Variants in COL6A5 observed in about 807,000 individuals in gnomAD.
COL6A5 encodes collagen alpha-5(VI) chain.
A neutral mutation model predicts 65.6 loss-of-function variants in COL6A5; 48 were observed. The observed-to-expected ratio is 0.73, with a 90% confidence interval of 0.58 to 0.93. The LOEUF is 0.93. Ranked by LOEUF, COL6A5 falls within the 40% of genes least tolerant of loss-of-function variation. COL6A5 has a pLI of 0.00. For missense variants in COL6A5, 914 were observed against 928.3 expected, an observed-to-expected ratio of 0.98 and a Z score of 0.20; for synonymous variants, 291 against 322.8, an observed-to-expected ratio of 0.90 and a Z score of 1.05.
chr3:130,394,048 A>G (rs1484134204), intron 7 of COL6A5, among the ~76,000 whole-genome samples: 1 of 152,156 alleles, frequency 6.6e-6, no homozygotes, highest in Non-Finnish European at 1.5e-5. Flanking sequence ...TGTCTCAATT[A>G]CCTTTAGTAA....
intron 1 of COL6A5, among the ~76,000 whole-genome samples, chr3:130,373,038 AT>A (rs1265942177): frequency 6.6e-6 from 1 of 152,216 alleles, no homozygotes; most frequent in Non-Finnish European, 1.5e-5. Flanking sequence ...AGTTTGTGAA[AT>A]TGAGCATAAC....
At chr3:130,474,421 A>G (rs1317584350) in intron 7 of COL6A5, among the ~76,000 whole-genome samples, 2 of 152,120 alleles carry the variant, frequency 1.3e-5, no homozygotes, top group Admixed American at 6.6e-5. Context: ...ATTATGGAAC[A>G]TACAGAGAAC....
chr3:130,437,746 C>G (rs528638379), intron 1 of COL6A5, among the ~76,000 whole-genome samples: 3 of 152,220 alleles, frequency 2.0e-5, no homozygotes, highest in African/African-American at 7.2e-5. Context: ...GAGCTTTCAC[C>G]TGGCTATTTC....
chr3:130,467,485 A>T (rs1709844903), intron 5 of COL6A5, among the ~76,000 whole-genome samples: 1 of 151,468 alleles, frequency 6.6e-6, no homozygotes, highest in Admixed American at 6.6e-5. Context: ...AGACGAAGAC[A>T]TTACATGAAA....
intron 1 of COL6A5, among the ~76,000 whole-genome samples, chr3:130,364,679 A>G (rs1935266781): frequency 6.6e-6 from 1 of 152,198 alleles, no homozygotes; most frequent in African/African-American, 2.4e-5. Flanking sequence ...GCAGAGGGAA[A>G]AACGATGTGG....
At chr3:130,355,233 C>G (rs925397633) in intron 1 of COL6A5, among the ~76,000 whole-genome samples, 3 of 151,864 alleles carry the variant, frequency 2.0e-5, no homozygotes, top group Non-Finnish European at 4.4e-5. Context: ...TTAAAATAAA[C>G]TTGAAATAAC....
upstream of COL6A5, among the ~76,000 whole-genome samples, chr3:130,427,918 A>G (rs572121060): frequency 6.6e-6 from 1 of 152,136 alleles, no homozygotes; most frequent in African/African-American, 2.4e-5. Context: ...ACACGAGGAG[A>G]TGAGAACTAG....
At chr3:130,425,735 G>C (rs1172479421) in intron 29 of COL6A5, among the ~76,000 whole-genome samples, 1 of 151,838 alleles carries the variant, frequency 6.6e-6, no homozygotes, top group Non-Finnish European at 1.5e-5. Flanking sequence ...ATTGTCTTTG[G>C]GCCTTTCTCA....
intron 1 of COL6A5, among the ~76,000 whole-genome samples, chr3:130,358,331 A>G (rs559789200): frequency 1.3e-4 from 20 of 152,270 alleles, no homozygotes; most frequent in South Asian, 6.2e-4. Flanking sequence ...AATTATTGTT[A>G]TTTTTATTTA....
rs766502450 is a variant in COL6A5 at position 130,469,037 on chromosome 3, G to C, written c.1789G>C (p.Gly597Arg). The change falls in exon 6 of 8, where the codon GGC (glycine) becomes CGC (arginine). Residue 597 changes from glycine to arginine, a missense_variant. Gly to Arg is a moderately radical substitution (Grantham distance 125). Coordinates refer to ENST00000512836, the Ensembl canonical transcript of COL6A5. ...TGCTGTCCTGAGCTACTCTCCTCCA[G>C]GCTATATGCCTAACACTGAAGAATG... 1.9e-6 allele frequency: 3 copies of C among 1,612,888 alleles called. No homozygotes were observed. The South Asian group carries it at 3.3e-5, about 18-fold the overall frequency.
At chr3:130,471,554 A>G in intron 7 of COL6A5, 128 bp from the exon 40 acceptor site, 1 of 837,798 alleles carries the variant, frequency 1.2e-6, no homozygotes, top group South Asian at 2.0e-5. Flanking sequence ...TCATTCATGG[A>G]CTGAACTTGG....
chr3:130,449,602 A>G (rs919070360), intron 4 of COL6A5, among the ~76,000 whole-genome samples: 1 of 152,162 alleles, frequency 6.6e-6, no homozygotes, highest in Non-Finnish European at 1.5e-5. Flanking sequence ...TAACAGAAAC[A>G]TCAGCACCAG....
intron 24 of COL6A5, 27 bp downstream of exon 24, chr3:130,416,846 C>CT: frequency 1.7e-6 from 2 of 1,164,774 alleles, no homozygotes; most frequent in Non-Finnish European, 1.2e-6. Flanking sequence ...TTTTTTAATT[C>CT]TTTTAAAAAC....
At chr3:130,448,361 G>A (rs1709353540) in intron 4 of COL6A5, among the ~76,000 whole-genome samples, 1 of 152,094 alleles carries the variant, frequency 6.6e-6, no homozygotes, top group Non-Finnish European at 1.5e-5. Context: ...TGCGGAGGTC[G>A]GAATCTCCCA....
chr3:130,367,093 G>A (rs62284281), intron 1 of COL6A5, among the ~76,000 whole-genome samples: 4,673 of 152,296 alleles, frequency 0.031, 107 homozygotes, highest in Non-Finnish European at 0.049. Context: ...GACTGGGAAC[G>A]TGATGGTTGT....
intron 20 of COL6A5, among the ~76,000 whole-genome samples, chr3:130,412,308 T>C (rs1937200032): frequency 6.6e-6 from 1 of 152,156 alleles, no homozygotes; most frequent in Non-Finnish European, 1.5e-5. Context: ...CAAGAAACCT[T>C]GGGCAGCTTG....
At chr3:130,480,069 C>T (rs898193100) in intron 7 of COL6A5, among the ~76,000 whole-genome samples, 3 of 151,766 alleles carry the variant, frequency 2.0e-5, no homozygotes, top group South Asian at 2.1e-4. Flanking sequence ...CAAGATCCAT[C>T]GATGTAAATA....
intron 20 of COL6A5, among the ~76,000 whole-genome samples, chr3:130,410,759 C>G (rs759512561): frequency 6.6e-6 from 1 of 152,116 alleles, no homozygotes; most frequent in Non-Finnish European, 1.5e-5. Flanking sequence ...ATCAGTAGCA[C>G]CACCCCTCCC....
At chr3:130,376,549 A>G in exon 3 of COL6A5, 2 of 1,606,154 alleles carry the variant, frequency 1.2e-6, no homozygotes, top group Non-Finnish European at 1.7e-6. Flanking sequence ...GCACCCATAA[A>G]TGGGAGAGAC....
Sources: allele counts gnomAD v4.1 joint callset (sites outside exome capture counted in the v4.1 genomes callset), GRCh38; gene constraint gnomAD v4.1.1; transcripts MANE v1.5; gene names NCBI Gene and HGNC (gene_info 2026-07-23, HGNC 2026-07-21).